HS1BP3: variants seen among roughly 807,000 people sequenced by gnomAD.
HS1BP3 encodes HCLS1 binding protein 3.
HS1BP3 carries 32 observed loss-of-function variants against 33.5 expected under a neutral mutation model. That is an observed-to-expected ratio of 0.95 (90% confidence interval 0.72 to 1.28). The LOEUF is 1.28. Among genes scored for constraint, HS1BP3 ranks in the 50% most tolerant of loss-of-function variants. The pLI is 0.00. For missense variants in HS1BP3, 486 were observed against 502.3 expected (o/e 0.97, Z 0.31); for synonymous variants, 187 against 209.2 (o/e 0.89, Z 0.92).
At chr2:20,606,854 T>A (rs1485119428) in intron 2 of HS1BP3, among the ~76,000 whole-genome samples, 2 of 152,224 alleles carry the variant, frequency 1.3e-5, no homozygotes, top group African/African-American at 4.8e-5. Flanking sequence ...AGACACTAGA[T>A]CCTTAAACGA....
chr2:20,594,313 A>G (rs920156864), intron 3 of HS1BP3, among the ~76,000 whole-genome samples: 1 of 152,228 alleles, frequency 6.6e-6, no homozygotes, highest in Non-Finnish European at 1.5e-5. Flanking sequence ...ACGTGAGTCT[A>G]TGGATGCCTG....
intron 4 of HS1BP3, among the ~76,000 whole-genome samples, chr2:20,633,718 T>C (rs1449378331): frequency 6.6e-6 from 1 of 152,190 alleles, no homozygotes; most frequent in Non-Finnish European, 1.5e-5. Flanking sequence ...AGACAGGGTT[T>C]CACCATGTTG....
chr2:20,622,118 C>T (rs1694619545), intron 6 of HS1BP3: 3 of 1,186,478 alleles, frequency 2.5e-6, no homozygotes. Flanking sequence ...AGTGTACACC[C>T]CACGCGGCCT....
chr2:20,647,212 C>G (rs1275760848), intron 1 of HS1BP3, among the ~76,000 whole-genome samples: 1 of 152,186 alleles, frequency 6.6e-6, no homozygotes, highest in Non-Finnish European at 1.5e-5. Context: ...TCTGACCACG[C>G]CAGAACCCAC....
intron 5 of HS1BP3, among the ~76,000 whole-genome samples, chr2:20,572,125 G>A (rs1368805597): frequency 2.0e-5 from 3 of 152,212 alleles, no homozygotes; most frequent in Admixed American, 6.5e-5. Context: ...GAGCTGGCTC[G>A]GTTCTGAAGT....
intron 3 of HS1BP3, 26 bp from the exon 4 acceptor site, chr2:20,638,678 G>T (rs1385538836): frequency 6.3e-7 from 1 of 1,589,726 alleles, no homozygotes; most frequent in Non-Finnish European, 8.6e-7. Flanking sequence ...GAAAAGAATG[G>T]ACTTGGTAAC....
intron 1 of HS1BP3, among the ~76,000 whole-genome samples, chr2:20,647,108 G>C (rs1051983580): frequency 1.3e-5 from 2 of 152,180 alleles, no homozygotes; most frequent in African/African-American, 4.8e-5. Context: ...GAGCTGCGGG[G>C]AGGTCCTCTC....
Position 20,648,789 on chromosome 2 carries a change from G to A in HS1BP3, c.32+2243C>T, listed in dbSNP as rs886622421. Among the ~76,000 whole-genome samples the A allele has an allele frequency of 2.6e-5, 4 of 152,114 alleles. No homozygotes were observed. The South Asian group carries it at 8.3e-4, about 31-fold the overall frequency. ...GACATCCCCACTGGGCTGTCAACGA[G>A]CTTCTCAAAACTCACCTGTCTACAC... On this transcript the variant is annotated intron_variant, in intron 1 of 6. Transcript: ENST00000304031.
intron 5 of HS1BP3, among the ~76,000 whole-genome samples, chr2:20,572,861 C>T (rs1693308036): frequency 6.6e-6 from 1 of 152,150 alleles, no homozygotes; most frequent in African/African-American, 2.4e-5. Flanking sequence ...GCTCCTTGCA[C>T]TTCTAACTGC....
intron 5 of HS1BP3, among the ~76,000 whole-genome samples, chr2:20,567,474 C>T (rs1221030196): frequency 1.3e-5 from 2 of 152,210 alleles, no homozygotes; most frequent in East Asian, 1.9e-4. Flanking sequence ...CCACCCTCGC[C>T]CCTGCTGGTA....
chr2:20,629,800 G>T (rs1360903086), intron 4 of HS1BP3, among the ~76,000 whole-genome samples: 2 of 152,250 alleles, frequency 1.3e-5, no homozygotes, highest in African/African-American at 4.8e-5. Flanking sequence ...TCTGCAGGCG[G>T]GCGTGCAGCA....
intron 5 of HS1BP3, among the ~76,000 whole-genome samples, chr2:20,583,496 G>T (rs1693584729): frequency 6.6e-6 from 1 of 152,188 alleles, no homozygotes; most frequent in South Asian, 2.1e-4. Flanking sequence ...GACGCTGCTG[G>T]ATTCTTGAGT....
chr2:20,604,655 A>G (rs980380022), intron 2 of HS1BP3, among the ~76,000 whole-genome samples: 1 of 152,254 alleles, frequency 6.6e-6, no homozygotes, highest in African/African-American at 2.4e-5. Flanking sequence ...GACTGGCTCA[A>G]GGTGGCTTAG....
chr2:20,623,031 T>A (rs1694655372), intron 6 of HS1BP3: 2 of 152,668 alleles, frequency 1.3e-5, no homozygotes, highest in Admixed American at 6.5e-5. Context: ...TGGCTTCCTC[T>A]GAATCCCAGG....
intron 6 of HS1BP3, chr2:20,622,573 G>GCTATCTTCAA: frequency 2.9e-6 from 1 of 343,190 alleles, no homozygotes; most frequent in Non-Finnish European, 5.8e-6. Context: ...CCCCTTTGAA[G>GCTATCTTCAA]ATAGCCTTTG....
intron 5 of HS1BP3, among the ~76,000 whole-genome samples, chr2:20,580,827 G>T (rs1451882356): frequency 6.6e-6 from 1 of 152,222 alleles, no homozygotes; most frequent in East Asian, 1.9e-4. Context: ...AGGCAGACAA[G>T]TGATGAGCAA....
chr2:20,586,499 G>A (rs927993305), intron 5 of HS1BP3: 5 of 152,172 alleles, frequency 3.3e-5, no homozygotes, highest in African/African-American at 1.2e-4. Flanking sequence ...AAGGATGTTT[G>A]TTTAGAATTT....
At chr2:20,557,407 G>A (rs1692866235), downstream of HS1BP3, among the ~76,000 whole-genome samples, 1 of 152,174 alleles carries the variant, frequency 6.6e-6, no homozygotes, top group African/African-American at 2.4e-5. Context: ...TGGAGACTCT[G>A]CTGCTGATCT....
At chr2:20,636,167 G>C (rs1037005731) in intron 4 of HS1BP3, 1 of 152,358 alleles carries the variant, frequency 6.6e-6, no homozygotes, top group South Asian at 2.1e-4. Context: ...ACAGCCTCCC[G>C]AGAAGAACAG....
Sources: allele counts gnomAD v4.1 joint callset (sites outside exome capture counted in the v4.1 genomes callset), GRCh38; gene constraint gnomAD v4.1.1; transcripts MANE v1.5; gene names NCBI Gene and HGNC (gene_info 2026-07-23, HGNC 2026-07-21).